Variants in KIF26B observed in about 807,000 individuals in gnomAD.
KIF26B encodes kinesin-like protein KIF26B.
A neutral mutation model predicts 151.2 loss-of-function variants in KIF26B; 63 were observed. That is an observed-to-expected ratio of 0.42 (90% CI 0.34 to 0.51). The LOEUF is 0.51. Ranked by LOEUF, KIF26B falls within the 20% of genes least tolerant of loss-of-function variation. The pLI is 0.07. For synonymous variants in KIF26B, 1,357 were observed against 1,262.1 expected (o/e 1.08, Z -1.59); for missense variants, 2,813 against 2,913.6 (o/e 0.97, Z 0.79).
At position 245,606,907 on chromosome 1, in the gene KIF26B, A is replaced by T. The variant is rs921217818; in HGVS notation, c.1558-744A>T. On this transcript the variant is annotated intron_variant, in intron 6 of 14. Transcript: ENST00000407071. The surrounding 1 kb of genome is among the most constrained non-coding windows in gnomAD (Gnocchi z 4.6). ...GTGAAACCCCCTCTCTACTAAAAAA[A>T]TGCAAAAAATTAGCCAGGCATGGTG... Among the ~76,000 whole-genome samples the T allele has an allele frequency of 1.3e-5, 2 of 152,056 alleles. No homozygotes were observed. Among genetic ancestry groups the T allele is most frequent in the African/African-American group, 4.8e-5 (2 of 41,400 alleles).
chr1:245,532,206 T>C (rs1027769504), intron 4 of KIF26B, among the ~76,000 whole-genome samples: 9 of 151,638 alleles, frequency 5.9e-5, no homozygotes, highest in African/African-American at 1.9e-4. Flanking sequence ...CCTTGAAGCA[T>C]AGGAAAATTC....
At chr1:245,541,226 GAC>G (rs973479722) in intron 5 of KIF26B, among the ~76,000 whole-genome samples, 28 of 152,162 alleles carry the variant, frequency 1.8e-4, no homozygotes, top group African/African-American at 6.5e-4. Context: ...TTAAAGAAAA[GAC>G]ACAAAGGCAC....
intron 3 of KIF26B, among the ~76,000 whole-genome samples, chr1:245,393,674 C>G (rs1260436746): frequency 6.6e-6 from 1 of 152,212 alleles, no homozygotes; most frequent in Admixed American, 6.5e-5. Context: ...TTGTTGAGAT[C>G]TCCCAGGAAA....
chr1:245,517,804 G>C (rs1164935743), intron 4 of KIF26B, among the ~76,000 whole-genome samples: 1 of 152,048 alleles, frequency 6.6e-6, no homozygotes, highest in East Asian at 1.9e-4. Flanking sequence ...GAGGGCGTTT[G>C]GGCAGAGGAA....
intron 5 of KIF26B, among the ~76,000 whole-genome samples, chr1:245,586,700 G>A (rs888226281): frequency 2.6e-5 from 4 of 151,660 alleles, no homozygotes; most frequent in African/African-American, 9.7e-5. Flanking sequence ...TGGCTAACAA[G>A]GTGAAACCCC....
At chr1:245,364,029 G>T (rs1372920430) in intron 2 of KIF26B, among the ~76,000 whole-genome samples, 1 of 152,186 alleles carries the variant, frequency 6.6e-6, no homozygotes, top group Non-Finnish European at 1.5e-5. Context: ...GACTGGGCTA[G>T]AGGTGGCAGC....
At chr1:245,543,235 G>T (rs1661663707) in intron 5 of KIF26B, among the ~76,000 whole-genome samples, 1 of 152,130 alleles carries the variant, frequency 6.6e-6, no homozygotes, top group South Asian at 2.1e-4. Flanking sequence ...GAGTGTCCCA[G>T]CCAGCAGGAT....
intron 10 of KIF26B, among the ~76,000 whole-genome samples, chr1:245,670,282 GCACA>G (rs138673530): frequency 1.2e-4 from 11 of 93,362 alleles, no homozygotes; most frequent in African/African-American, 2.9e-4. Flanking sequence ...ATATATATAT[GCACA>G]CACACACACA....
In KIF26B at chr1:245,677,513, C is replaced by T. The variant is rs537170798; in HGVS notation, c.2259-6720C>T. On this transcript the variant is annotated intron_variant, in intron 10 of 14. Transcript: ENST00000407071. ...TTGAGCAGCAAGTACTTTAACTTCACGTACCTCTCCTTCTGAAAATGCCAT... is the reference window on the plus strand; with the variant it reads ...TTGAGCAGCAAGTACTTTAACTTCATGTACCTCTCCTTCTGAAAATGCCAT... Among the ~76,000 whole-genome samples, 9 of 152,366 alleles carry T rather than the reference C, an allele frequency of 5.9e-5. No homozygotes were observed. In the South Asian group the frequency reaches 8.3e-4, roughly 14 times the overall value.
chr1:245,403,551 T>TGC lies in KIF26B; in HGVS notation c.1000-16021_1000-16020dup, dbSNP rs569730215. On this transcript the variant is annotated intron_variant, in intron 3 of 14. Coordinates refer to ENST00000407071, the MANE Select transcript of KIF26B (RefSeq NM_018012.4). ...AGAGCAGTTCTGGGGTGTGTGTGTG[T>TGC]GCGCGCGCATGTGTGTGTGTCCACG... Among the ~76,000 whole-genome samples the TGC allele has an allele frequency of 3.9e-5, 6 of 152,266 alleles. No homozygotes were observed. The East Asian group carries it at 1.2e-3, about 29-fold the overall frequency.
At chr1:245,302,979 ACT>A (rs1671454674) in intron 2 of KIF26B, among the ~76,000 whole-genome samples, 1 of 96,918 alleles carries the variant, frequency 1.0e-5, no homozygotes, top group South Asian at 3.9e-4. Flanking sequence ...ATAGAGCAAG[ACT>A]CTGTCTCAAA....
intron 3 of KIF26B, among the ~76,000 whole-genome samples, chr1:245,383,743 A>G (rs1222224416): frequency 1.3e-5 from 2 of 152,224 alleles, no homozygotes; most frequent in Non-Finnish European, 2.9e-5. Flanking sequence ...ACAAATAATG[A>G]GTAGAAAGGA....
intron 3 of KIF26B, among the ~76,000 whole-genome samples, chr1:245,373,149 C>A (rs1004334840): frequency 1.3e-5 from 2 of 152,320 alleles, no homozygotes; most frequent in African/African-American, 4.8e-5. Context: ...ACAACAGGGA[C>A]TCATTTTATT....
At chr1:245,548,836 C>T (rs976713558) in intron 5 of KIF26B, among the ~76,000 whole-genome samples, 4 of 152,088 alleles carry the variant, frequency 2.6e-5, no homozygotes, top group East Asian at 1.9e-4. Context: ...CTCCGCCTCC[C>T]GGTTTCAAGC....
At chr1:245,292,994 A>C (rs1001030563) in intron 2 of KIF26B, among the ~76,000 whole-genome samples, 6 of 152,176 alleles carry the variant, frequency 3.9e-5, no homozygotes, top group Admixed American at 6.5e-5. Context: ...CATGTTCAAT[A>C]TTAGGTTACT....
intron 4 of KIF26B, among the ~76,000 whole-genome samples, chr1:245,433,776 A>G (rs1175876542): frequency 6.6e-6 from 1 of 152,062 alleles, no homozygotes. Flanking sequence ...GTGCACTGAG[A>G]TTCCGGAAAT....
intron 4 of KIF26B, among the ~76,000 whole-genome samples, chr1:245,422,020 T>C (rs941192390): frequency 4.6e-5 from 7 of 152,290 alleles, no homozygotes; most frequent in Middle Eastern, 3.4e-3. Context: ...GGGCAGGCTC[T>C]GCAGGTGATG....
At chr1:245,679,457 G>GTGTT (rs2044400945) in intron 10 of KIF26B, among the ~76,000 whole-genome samples, 11 of 59,176 alleles carry the variant, frequency 1.9e-4, no homozygotes, top group African/African-American at 5.4e-4. Flanking sequence ...TTTTGTGTGT[G>GTGTT]TTTTTTTTTT....
intron 8 of KIF26B, 115 bp from the exon 9 acceptor site, chr1:245,611,678 G>A: frequency 1.9e-6 from 2 of 1,049,256 alleles, no homozygotes; most frequent in Non-Finnish European, 2.7e-6. Flanking sequence ...AGAGGGGCAC[G>A]TGGCTTTACT....
Sources: gnomAD v4.1 joint callset for allele counts (sites outside exome capture counted in the v4.1 genomes callset) on GRCh38, gnomAD v4.1.1 for gene constraint, Gnocchi (gnomAD v3.1) non-coding constraint, MANE v1.5 for transcripts, NCBI Gene and HGNC (gene_info 2026-07-23, HGNC 2026-07-21) for gene names.